HMCN2: variants seen among roughly 807,000 people sequenced by gnomAD.
HMCN2 encodes hemicentin 2.
HMCN2 carries 325 observed loss-of-function variants against 377.5 expected under a neutral mutation model. That is an observed-to-expected ratio of 0.86 (90% CI 0.79 to 0.94). The LOEUF is 0.94. HMCN2 is among the 40% of genes least tolerant of loss of function. The pLI, the probability that HMCN2 is intolerant of heterozygous loss-of-function variation, is 0.00. For synonymous variants in HMCN2, 2,007 were observed against 2,046.8 expected (o/e 0.98, Z 0.53); for missense variants, 4,543 against 4,725.3 (o/e 0.96, Z 1.13).
Position 130,303,407 on chromosome 9 carries a change from G to A in HMCN2, c.1422-80G>A. Reference sequence around the variant, plus strand: ...GAATTGGGGTCTCTCGTTTGGGCAGGATTCAGGGGACTGAAGTCGGGGGGG... The same window carrying A: ...GAATTGGGGTCTCTCGTTTGGGCAGAATTCAGGGGACTGAAGTCGGGGGGG... On this transcript the variant is annotated intron_variant, in intron 9 of 97. Coordinates refer to ENST00000683500, the MANE Select transcript of HMCN2 (RefSeq NM_001291815.2). The surrounding 1 kb of genome is among the most constrained non-coding windows in gnomAD (Gnocchi z 5.2). 1 of 353,378 alleles carries A rather than the reference G, an allele frequency of 2.8e-6. No individual in the cohort carries two copies. The highest frequency in any genetic ancestry group is 2.1e-5 in the South Asian group (1 of 47,622). The allele number at this position is 353,378 out of a possible 1,614,324, so 21.9% of individuals were successfully genotyped here.
intron 12 of HMCN2, among the ~76,000 whole-genome samples, 190 bp downstream of exon 12, chr9:130,306,460 C>G (rs782016064): frequency 1.3e-5 from 2 of 152,274 alleles, no homozygotes; most frequent in East Asian, 3.9e-4. Flanking sequence ...GTGGGCTCAG[C>G]GCTCAGGAGC....
rs1488400263 is a variant in HMCN2 at position 130,415,500 on chromosome 9, C to T, written c.12962-3272C>T. ...GACTGCAGGTGCATACCACCATGCC[C>T]GGCTACTTTATTTATTTTTTGTAGA... On this transcript the variant is annotated intron_variant, in intron 85 of 97. Transcript: ENST00000683500. Among the ~76,000 whole-genome samples the T allele has an allele frequency of 2.0e-5, 3 of 152,018 alleles. 1 individual carries two copies. Among genetic ancestry groups the T allele is most frequent in the South Asian group, 4.2e-4 (2 of 4,816 alleles).
rs1177875902 is a variant in HMCN2, at chr9:130,317,467, A to ATCTCTCTCTCTC, written c.2351-2000_2351-1989dup. Among the ~76,000 whole-genome samples, 110 of 123,450 alleles carry ATCTCTCTCTCTC rather than the reference A, an allele frequency of 8.9e-4. 1 individual carries two copies. In the Middle Eastern group the frequency reaches 0.015, roughly 17 times the overall value. 81.0% of individuals were successfully genotyped at this position (123,450 alleles called of 152,430 possible). On this transcript the variant is annotated intron_variant, in intron 15 of 97. Transcript: ENST00000683500. Reference sequence around the variant, plus strand: ...GCCTAGATGATAGCGAGACCCCACCATCTCTCTCTCTCTCTCTCTCTCTCT... The same window carrying ATCTCTCTCTCTC: ...GCCTAGATGATAGCGAGACCCCACCATCTCTCTCTCTCTCTCTCTCTCTCTCTCTCTCTCTCT...
chr9:130,393,136 G>A lies in HMCN2; in HGVS notation c.10137-76G>A. ...TCTTTCCACGCAGCCAGCCTCTCCT[G>A]TCTCTCTCCCTTTCTCTTCCTCTCT... is the stretch of plus-strand genomic sequence containing the variant. On this transcript the variant is annotated intron_variant, in intron 66 of 97. Coordinates refer to ENST00000683500, the MANE Select transcript of HMCN2 (RefSeq NM_001291815.2). This position sits in a 1 kb window ranked among gnomAD's most constrained non-coding sequence, Gnocchi z 5.2. 1 of 913,654 alleles carries A rather than the reference G, an allele frequency of 1.1e-6. No individual in the cohort carries two copies. Among genetic ancestry groups the A allele is most frequent in the Non-Finnish European group, 1.3e-6 (1 of 762,528 alleles). The allele number at this position is 913,654 out of a possible 1,614,324, so 56.6% of individuals were successfully genotyped here.
At chr9:130,278,157 C>T (rs1020956792) in intron 1 of HMCN2, among the ~76,000 whole-genome samples, 4 of 152,156 alleles carry the variant, frequency 2.6e-5, no homozygotes, top group African/African-American at 9.7e-5. Flanking sequence ...CGCAGTCTCG[C>T]TCTGTCACCC....
chr9:130,291,840 G>A (rs1328847079), intron 4 of HMCN2, among the ~76,000 whole-genome samples: 6 of 152,138 alleles, frequency 3.9e-5, no homozygotes, highest in South Asian at 2.1e-4. Context: ...CACAGTTTTC[G>A]TCAAATCAGG....
intron 82 of HMCN2, chr9:130,406,447 A>T (rs1401981965): frequency 6.2e-6 from 2 of 322,712 alleles, no homozygotes; most frequent in East Asian, 1.6e-4. Context: ...TCTAGTCCAG[A>T]GCTGCTGCTC....
intron 34 of HMCN2, among the ~76,000 whole-genome samples, chr9:130,357,054 A>G (rs1840059240): frequency 7.0e-6 from 1 of 141,966 alleles, no homozygotes; most frequent in Non-Finnish European, 1.5e-5. Context: ...GGACAGATAG[A>G]AGGGAGGATG....
intron 86 of HMCN2, among the ~76,000 whole-genome samples, chr9:130,421,516 A>C (rs1174884024): frequency 6.6e-6 from 1 of 152,142 alleles, no homozygotes; most frequent in East Asian, 1.9e-4. Flanking sequence ...TCCATGTCTG[A>C]GAGAGCTGGC....
In HMCN2 at chr9:130,362,248, A is replaced by G. The variant is rs769007971; in HGVS notation, c.6108+83A>G. On this transcript the variant is annotated intron_variant, in intron 39 of 97. Transcript: ENST00000683500. ...AACAGAGGTCAGGCCCTGGGAACTT[A>G]GGGTGAGGGAGAAGCAGCGATAGCC... 5.6e-4 allele frequency: 513 copies of G among 921,376 alleles called. 1 individual carries two copies. Among genetic ancestry groups the G allele is most frequent in the Non-Finnish European group, 6.3e-4 (487 of 771,238 alleles). 57.1% of individuals were successfully genotyped at this position (921,376 alleles called of 1,614,324 possible). A position where few individuals can be genotyped will look rare whatever the true frequency, so the allele number is the denominator to read the frequency against.
rs1433355323 is a variant in HMCN2, at chr9:130,303,750, G to C, written c.1543+142G>C. 5.0e-6 allele frequency: 1 copy of C among 199,292 alleles called. No homozygotes were observed. Among genetic ancestry groups the C allele is most frequent in the Non-Finnish European group, 1.1e-5 (1 of 91,230 alleles). 12.3% of individuals were successfully genotyped at this position (199,292 alleles called of 1,614,324 possible). A position where few individuals can be genotyped will look rare whatever the true frequency, so the allele number is the denominator to read the frequency against. On this transcript the variant is annotated intron_variant, in intron 10 of 97. Transcript: ENST00000683500. The surrounding 1 kb of genome is among the most constrained non-coding windows in gnomAD (Gnocchi z 5.2). The stretch of plus-strand genomic sequence containing the variant: ...GGTCTGGCTGCCCAGGCTGCCACCT[G>C]CCTGCTGCCCCTCATGTGGGGCCGT...
chr9:130,376,559 C>T lies in HMCN2; in HGVS notation c.7962C>T (p.Gly2654=), dbSNP rs1219009235. 12 of 985,688 alleles carry T rather than the reference C, an allele frequency of 1.2e-5. No homozygotes were observed. The highest frequency in any genetic ancestry group is 5.2e-4 in the Middle Eastern group (1 of 1,936). The allele number at this position is 985,688 out of a possible 1,614,324, so 61.1% of individuals were successfully genotyped here. ...AAGACGACCCCTTGGCGGAGGTCGG[C>T]GTGAAGGAGGTGAAGACCAAGGTCA... ...ISKDDPLAEV[G]VKEVKTKVNS... is the part of the protein sequence containing the mutation. The change falls in exon 52 of 98, where the codon GGC becomes GGT. Residue 2654 remains glycine, a synonymous_variant. Coordinates refer to ENST00000683500, the MANE Select transcript of HMCN2 (RefSeq NM_001291815.2).
chr9:130,316,783 T>G (rs2131387645), intron 15 of HMCN2, among the ~76,000 whole-genome samples: 1 of 152,202 alleles, frequency 6.6e-6, no homozygotes, highest in East Asian at 1.9e-4. Context: ...TGGGAGTCTG[T>G]GTGAGGAGGG....
At chr9:130,392,205 G>C in intron 66 of HMCN2, 87 bp downstream of exon 66, 7 of 937,528 alleles carry the variant, frequency 7.5e-6, no homozygotes, top group Non-Finnish European at 8.9e-6. Context: ...CTGGAAGCCA[G>C]GACTGGCTGC....
intron 59 of HMCN2, 49 bp downstream of exon 59, chr9:130,384,847 A>T (rs1841930571): frequency 1.0e-5 from 12 of 1,180,618 alleles, no homozygotes; most frequent in Non-Finnish European, 1.4e-5. Context: ...TCCTTCAGTC[A>T]CCCCTCAGCC....
Position 130,360,544 on chromosome 9 carries a change from C to T in HMCN2, c.5890C>T (p.Arg1964Cys), listed in dbSNP as rs1395059558. ...CCAGCTTTCTGATGCTGGGAGCTACCGCTGTGTGGCATCCAATGTGGCAGG... is the reference window on the plus strand; with the variant it reads ...CCAGCTTTCTGATGCTGGGAGCTACTGCTGTGTGGCATCCAATGTGGCAGG... The part of the protein sequence containing the change: ...QAQLSDAGSY[R>C]CVASNVAGST... Residue 1964 changes from arginine to cysteine, a missense_variant, in exon 38 of 98, where the codon CGC becomes TGC. Transcript: ENST00000683500. The surrounding 1 kb of genome is among the most constrained non-coding windows in gnomAD (Gnocchi z 4.7). The T allele has an allele frequency of 2.8e-5, 36 of 1,304,168 alleles. No individual in the cohort carries two copies. The highest frequency in any genetic ancestry group is 2.1e-4 in the Middle Eastern group (1 of 4,698). 80.8% of individuals were successfully genotyped at this position (1,304,168 alleles called of 1,614,324 possible).
At chr9:130,348,480 A>T (rs1243728179) in intron 26 of HMCN2, 65 bp from the exon 27 acceptor site, 3 of 1,280,854 alleles carry the variant, frequency 2.3e-6, no homozygotes, top group African/African-American at 1.5e-5. Context: ...GGCCCAGATG[A>T]GGTCCCTTCG....
At chr9:130,395,138 G>GGGGGGGAGGGC in intron 70 of HMCN2, 30 bp downstream of exon 70, 1 of 587,040 alleles carries the variant, frequency 1.7e-6, no homozygotes, top group Admixed American at 4.7e-5. Context: ...TGGGGGCAGG[G>GGGGGGGAGGGC]CCGGGAGGCA....
intron 8 of HMCN2, among the ~76,000 whole-genome samples, chr9:130,300,928 C>T (rs528733945): frequency 6.6e-6 from 1 of 152,348 alleles, no homozygotes; most frequent in South Asian, 2.1e-4. Context: ...TTTCTCCTGC[C>T]CACTGTCTCC....
Sources: gnomAD v4.1 joint callset for allele counts (sites outside exome capture counted in the v4.1 genomes callset) on GRCh38, gnomAD v4.1.1 for gene constraint, Gnocchi (gnomAD v3.1) non-coding constraint, MANE v1.5 for transcripts, NCBI Gene and HGNC (gene_info 2026-07-23, HGNC 2026-07-21) for gene names.